The following ZFHX3 variants were observed in gnomAD, a reference collection of about 807,000 sequenced individuals.
The protein encoded by ZFHX3 is zinc finger homeobox protein 3.
Under a neutral mutation model 279.1 loss-of-function variants are expected in ZFHX3, and 42 were observed. The ratio of observed to expected loss-of-function variants is 0.15; its 90% CI spans 0.12 to 0.19. The LOEUF is 0.19. ZFHX3 is among the 10% of genes least tolerant of loss of function. ZFHX3 has a pLI of 1.00. For synonymous variants in ZFHX3, 2,293 were observed against 1,957.8 expected, an observed-to-expected ratio of 1.17 and a Z score of -4.52; for missense variants, 4,981 against 4,754.0, an observed-to-expected ratio of 1.05 and a Z score of -1.40.
At chr16:73,217,942 A>G (rs890289229) in intron 5 of ZFHX3, among the ~76,000 whole-genome samples, 2 of 152,166 alleles carry the variant, frequency 1.3e-5, no homozygotes, top group Non-Finnish European at 2.9e-5. Flanking sequence ...AAAAAAGCCA[A>G]AACTAAACAA....
chr16:72,926,330 CG>C (rs1959446793), intron 3 of ZFHX3, among the ~76,000 whole-genome samples: 1 of 152,148 alleles, frequency 6.6e-6, no homozygotes, highest in African/African-American at 2.4e-5. Context: ...CTATCCTGCC[CG>C]CCCACTCGCT....
intron 4 of ZFHX3, among the ~76,000 whole-genome samples, chr16:72,887,685 G>C (rs935709547): frequency 6.6e-6 from 1 of 150,526 alleles, no homozygotes; most frequent in African/African-American, 2.5e-5. Flanking sequence ...GCTTGCATGT[G>C]GGGGGTGCAG....
chr16:73,596,858 C>A (rs1409238236), intron 2 of ZFHX3, among the ~76,000 whole-genome samples: 1 of 152,080 alleles, frequency 6.6e-6, no homozygotes, highest in Non-Finnish European at 1.5e-5. Flanking sequence ...ATGTGCTGTA[C>A]AAATGAAGAA....
At chr16:73,180,993 G>C (rs1403701056) in intron 5 of ZFHX3, among the ~76,000 whole-genome samples, 1 of 152,114 alleles carries the variant, frequency 6.6e-6, no homozygotes, top group East Asian at 1.9e-4. Flanking sequence ...CATTCTCCTT[G>C]AGTCAGAGAA....
At chr16:73,200,847 A>C (rs1427150545) in intron 5 of ZFHX3, among the ~76,000 whole-genome samples, 1 of 152,176 alleles carries the variant, frequency 6.6e-6, no homozygotes, top group Non-Finnish European at 1.5e-5. Flanking sequence ...TTTACTTTTT[A>C]ATTATGTATT....
chr16:73,778,021 C>A (rs1044504890), intron 1 of ZFHX3, among the ~76,000 whole-genome samples: 1 of 151,614 alleles, frequency 6.6e-6, no homozygotes, highest in South Asian at 2.1e-4. Flanking sequence ...CAGAGTGAGA[C>A]CCTGTCTCCA....
chr16:73,090,115 C>G (rs756370696), intron 8 of ZFHX3, among the ~76,000 whole-genome samples: 1 of 152,232 alleles, frequency 6.6e-6, no homozygotes, highest in Non-Finnish European at 1.5e-5. Flanking sequence ...TCTGTGGGGC[C>G]GGGCTTGGTG....
chr16:73,462,867 T>G (rs1208342351), intron 2 of ZFHX3, among the ~76,000 whole-genome samples: 4 of 152,216 alleles, frequency 2.6e-5, no homozygotes, highest in Admixed American at 2.6e-4. Flanking sequence ...CATACTGGTC[T>G]GTAGTTTTCT....
intron 6 of ZFHX3, among the ~76,000 whole-genome samples, chr16:73,132,832 T>A (rs2144821849): frequency 6.6e-6 from 1 of 152,322 alleles, no homozygotes; most frequent in South Asian, 2.1e-4. Context: ...AAGTGATCAA[T>A]CAGGAGGAGA....
intron 4 of ZFHX3, among the ~76,000 whole-genome samples, chr16:72,853,007 C>T (rs1017295275): frequency 3.3e-5 from 5 of 152,204 alleles, no homozygotes; most frequent in African/African-American, 9.7e-5. Context: ...CATAAGATGG[C>T]TGTGTTATGT....
intron 5 of ZFHX3, among the ~76,000 whole-genome samples, chr16:73,155,410 G>C (rs1224813927): frequency 6.6e-6 from 1 of 152,140 alleles, no homozygotes; most frequent in East Asian, 1.9e-4. Context: ...AGGAAACAGA[G>C]TGGAAATTCA....
At chr16:73,316,844 T>C (rs1248694632) in intron 4 of ZFHX3, among the ~76,000 whole-genome samples, 1 of 152,158 alleles carries the variant, frequency 6.6e-6, no homozygotes, top group Non-Finnish European at 1.5e-5. Flanking sequence ...AGAAAGAAAT[T>C]GTCATTTCTC....
At chr16:73,724,503 G>C (rs1276369835) in intron 1 of ZFHX3, among the ~76,000 whole-genome samples, 1 of 152,190 alleles carries the variant, frequency 6.6e-6, no homozygotes, top group Non-Finnish European at 1.5e-5. Context: ...TGCCTAGTTG[G>C]CCACAGTGGG....
rs560369139 is a variant in ZFHX3, at chr16:73,525,766, A to G, written c.-1546-69508T>C. ...GGTTCAGGCTTAATCACTTGTACAAAATACACCCCTTGCAACCTTTTAATA... is the reference window on the plus strand; with the variant it reads ...GGTTCAGGCTTAATCACTTGTACAAGATACACCCCTTGCAACCTTTTAATA... On this transcript the variant is annotated intron_variant, in intron 2 of 17. Coordinates refer to the ZFHX3 transcript ENST00000641206. 2.6e-5 allele frequency among the ~76,000 whole-genome samples: 4 copies of G among 152,306 alleles called. No homozygotes were observed. In the South Asian group the frequency reaches 8.3e-4, roughly 32 times the overall value.
intron 1 of ZFHX3, among the ~76,000 whole-genome samples, chr16:73,693,879 G>A (rs940023192): frequency 1.2e-4 from 19 of 152,002 alleles, no homozygotes; most frequent in African/African-American, 3.6e-4. Flanking sequence ...AATGGCTCTC[G>A]GGGTAAGAAG....
chr16:73,881,366 G>A (rs1189454992), intron 1 of ZFHX3, among the ~76,000 whole-genome samples: 1 of 151,444 alleles, frequency 6.6e-6, no homozygotes, highest in Non-Finnish European at 1.5e-5. Flanking sequence ...GATTTCCAGG[G>A]CAGAATTCAT....
At chr16:72,829,449 G>T in intron 5 of ZFHX3, 1 of 269,812 alleles carries the variant, frequency 3.7e-6, no homozygotes. Flanking sequence ...GCATTTTGGT[G>T]AAGAGCCACC....
At chr16:73,364,872 T>C (rs2016503392) in intron 3 of ZFHX3, among the ~76,000 whole-genome samples, 1 of 152,198 alleles carries the variant, frequency 6.6e-6, no homozygotes, top group South Asian at 2.1e-4. Flanking sequence ...ATGGATTTGC[T>C]TCCTGTGCCC....
intron 6 of ZFHX3, among the ~76,000 whole-genome samples, chr16:73,139,449 A>T (rs527632443): frequency 1.3e-5 from 2 of 152,342 alleles, no homozygotes; most frequent in East Asian, 3.9e-4. Context: ...TGCTTTGATA[A>T]ATTGCTTGCA....
Sources: allele counts gnomAD v4.1 joint callset (sites outside exome capture counted in the v4.1 genomes callset), GRCh38; gene constraint gnomAD v4.1.1; transcripts MANE v1.5; gene names NCBI Gene and HGNC (gene_info 2026-07-23, HGNC 2026-07-21).